The following CSGALNACT1 variants were observed in gnomAD, a reference collection of about 807,000 sequenced individuals.
CSGALNACT1 encodes the protein chondroitin sulfate N-acetylgalactosaminyltransferase 1, also known as beta4GalNAcT-1.
CSGALNACT1 carries 52 observed loss-of-function variants against 51.0 expected under a neutral mutation model. The ratio of observed to expected loss-of-function variants is 1.02; its 90% CI spans 0.82 to 1.29. CSGALNACT1 has a LOEUF of 1.29. CSGALNACT1 is among the 50% of genes most tolerant of loss of function. The pLI is 0.00. For missense variants in CSGALNACT1, 935 were observed against 679.2 expected (o/e 1.38, Z -4.19); for synonymous variants, 341 against 254.4 (o/e 1.34, Z -3.24).
At chr8:19,738,354 G>C in intron 1 of CSGALNACT1, among the ~76,000 whole-genome samples, 1 of 152,168 alleles carries the variant, frequency 6.6e-6, no homozygotes. Context: ...AGACATTACA[G>C]TAAGTGAAAT....
At chr8:19,732,992 T>G (rs971676118) in intron 1 of CSGALNACT1, among the ~76,000 whole-genome samples, 1 of 152,150 alleles carries the variant, frequency 6.6e-6, no homozygotes, top group Non-Finnish European at 1.5e-5. Flanking sequence ...AAAAATGGAG[T>G]ACTTATAATT....
At chr8:19,546,646 G>T (rs184833723) in intron 3 of CSGALNACT1, among the ~76,000 whole-genome samples, 2 of 152,154 alleles carry the variant, frequency 1.3e-5, no homozygotes, top group African/African-American at 4.8e-5. Flanking sequence ...CATGAATATT[G>T]TTTCTTCCCC....
intron 4 of CSGALNACT1, among the ~76,000 whole-genome samples, chr8:19,459,298 G>A (rs887139800): frequency 1.4e-5 from 2 of 148,032 alleles, no homozygotes; most frequent in Non-Finnish European, 3.0e-5. Context: ...CAGGAGAATC[G>A]CTTGAACTCG....
chr8:19,451,432 G>C (rs992790020), intron 5 of CSGALNACT1, among the ~76,000 whole-genome samples: 4 of 152,142 alleles, frequency 2.6e-5, no homozygotes, highest in Non-Finnish European at 4.4e-5. Flanking sequence ...AATACTTTTT[G>C]AGAGTAGGTG....
At chr8:19,436,904 T>C (rs1254906160) in intron 6 of CSGALNACT1, among the ~76,000 whole-genome samples, 1 of 152,166 alleles carries the variant, frequency 6.6e-6, no homozygotes, top group Non-Finnish European at 1.5e-5. Flanking sequence ...GAGCAAGACC[T>C]TGTCTCAAAA....
intron 1 of CSGALNACT1, among the ~76,000 whole-genome samples, chr8:19,658,062 CAAAAAAA>C (rs397973082): frequency 0.072 from 6,217 of 86,714 alleles, 233 homozygotes; most frequent in Middle Eastern, 0.12. Flanking sequence ...ACCCTCCTTC[CAAAAAAA>C]AAAAAAAAAA....
intron 1 of CSGALNACT1, among the ~76,000 whole-genome samples, chr8:19,629,137 T>C (rs1405564747): frequency 6.6e-6 from 1 of 152,208 alleles, no homozygotes; most frequent in East Asian, 1.9e-4. Context: ...TGCCACCTTC[T>C]GTAAAGACTT....
intron 6 of CSGALNACT1, among the ~76,000 whole-genome samples, chr8:19,428,072 T>C (rs1425868505): frequency 6.6e-6 from 1 of 152,158 alleles, no homozygotes; most frequent in Non-Finnish European, 1.5e-5. Flanking sequence ...GTGGCCTCCA[T>C]CCTCAGACTT....
At chr8:19,700,000 T>A (rs1422131151) in intron 1 of CSGALNACT1, among the ~76,000 whole-genome samples, 1 of 151,208 alleles carries the variant, frequency 6.6e-6, no homozygotes, top group African/African-American at 2.4e-5. Context: ...TAGTCCCAGC[T>A]ACTCAGGAGG....
At chr8:19,543,247 C>A (rs564445385) in intron 3 of CSGALNACT1, among the ~76,000 whole-genome samples, 3 of 152,296 alleles carry the variant, frequency 2.0e-5, no homozygotes, top group Admixed American at 1.3e-4. Context: ...TGCCCTCCCC[C>A]ATCCTATACT....
intron 3 of CSGALNACT1, among the ~76,000 whole-genome samples, chr8:19,568,428 A>G (rs1286575515): frequency 3.3e-5 from 5 of 152,330 alleles, no homozygotes; most frequent in Admixed American, 3.3e-4. Context: ...TGACCCAGAC[A>G]TCATTATGCG....
chr8:19,583,545 C>CCA (rs1390365787), intron 3 of CSGALNACT1, among the ~76,000 whole-genome samples: 2 of 152,136 alleles, frequency 1.3e-5, no homozygotes, highest in Admixed American at 6.5e-5. Context: ...CTAACTGACA[C>CCA]TCTCCCAAAA....
chr8:19,666,789 AAGAAAGAAAGAAAGAAAGAAAG>A (rs1198066338), intron 1 of CSGALNACT1, among the ~76,000 whole-genome samples: 437 of 21,458 alleles, frequency 0.02, 13 homozygotes, highest in Middle Eastern at 0.04. Flanking sequence ...GAAAGAAAGA[AAGAAAGAAAGAAAGAAAGAAAG>A]AGAGAGAGAG....
At chr8:19,671,230 C>T (rs1454425873) in intron 1 of CSGALNACT1, among the ~76,000 whole-genome samples, 2 of 152,116 alleles carry the variant, frequency 1.3e-5, no homozygotes, top group Admixed American at 6.5e-5. Flanking sequence ...AGAACCCATG[C>T]CAGACCCTGA....
At chr8:19,666,833 GAA>G (rs1491175532) in intron 1 of CSGALNACT1, among the ~76,000 whole-genome samples, 637 of 28,228 alleles carry the variant, frequency 0.023, 26 homozygotes, top group Middle Eastern at 0.061. Context: ...GAGAGAGAGA[GAA>G]AGAAAGAAAG....
At chr8:19,446,705 G>C (rs1170079506) in intron 5 of CSGALNACT1, among the ~76,000 whole-genome samples, 1 of 152,112 alleles carries the variant, frequency 6.6e-6, no homozygotes, top group Non-Finnish European at 1.5e-5. Context: ...GTGGAGACAG[G>C]GTTTCACCAT....
At chr8:19,447,108 C>G (rs1454343934) in intron 5 of CSGALNACT1, among the ~76,000 whole-genome samples, 1 of 152,178 alleles carries the variant, frequency 6.6e-6, no homozygotes, top group Non-Finnish European at 1.5e-5. Context: ...TTGTTCGTAG[C>G]CTTAGCATAC....
At chr8:19,491,471 T>C (rs1337306715) in intron 4 of CSGALNACT1, among the ~76,000 whole-genome samples, 6 of 152,216 alleles carry the variant, frequency 3.9e-5, no homozygotes, top group African/African-American at 1.4e-4. Flanking sequence ...ATGCTCTTAA[T>C]ACTAAATATA....
chr8:19,444,868 A>G (rs955645563), intron 5 of CSGALNACT1, among the ~76,000 whole-genome samples: 5 of 152,222 alleles, frequency 3.3e-5, no homozygotes, highest in African/African-American at 9.6e-5. Flanking sequence ...GGCTGGGGTC[A>G]GTGAAGGAGG....
Sources: allele counts gnomAD v4.1 joint callset (sites outside exome capture counted in the v4.1 genomes callset), GRCh38; gene constraint gnomAD v4.1.1; transcripts MANE v1.5; gene names NCBI Gene and HGNC (gene_info 2026-07-23, HGNC 2026-07-21).